The following SLC6A20 variants were observed in gnomAD, a reference collection of about 807,000 sequenced individuals.
SLC6A20 encodes the protein solute carrier family 6 member 20.
Under a neutral mutation model 64.3 loss-of-function variants are expected in SLC6A20, and 73 were observed. The observed-to-expected ratio is 1.14, with a 90% CI of 0.94 to 1.38. The LOEUF is 1.38. SLC6A20 is among the 40% of genes most tolerant of loss of function. The pLI is 0.00. For synonymous variants in SLC6A20, 347 were observed against 329.6 expected (o/e 1.05, Z -0.57); for missense variants, 725 against 772.8 (o/e 0.94, Z 0.73).
intron 3 of SLC6A20, among the ~76,000 whole-genome samples, chr3:45,776,841 C>T (rs751113414): frequency 1.4e-4 from 21 of 152,280 alleles, no homozygotes; most frequent in East Asian, 7.7e-4. Flanking sequence ...CCAAGGCAGG[C>T]GGGGATTGGG....
intron 10 of SLC6A20, 126 bp downstream of exon 10, chr3:45,759,730 AT>A: frequency 8.1e-7 from 1 of 1,232,700 alleles, no homozygotes; most frequent in Non-Finnish European, 1.1e-6. Context: ...CCTCAGTGAT[AT>A]TTCCATGTCG....
chr3:45,770,311 G>T lies in SLC6A20; in HGVS notation c.996C>A (p.Asn332Lys). The change falls in exon 7 of 11, where the codon AAC becomes AAA. Residue 332 changes from asparagine to lysine, a missense_variant. By Grantham distance (94) the Asn-to-Lys change is moderately conservative (BLOSUM62 0). Transcript: ENST00000358525. ...DLEDGFLTAS[N>K]LEQVKGYLAS... ...CGAGGTAGCCCTTCACCTGCTCCAG[G>T]TTGCTGGCTGTCAAAAAGCCATCTT... The T allele has an allele frequency of 6.2e-6, 10 of 1,614,198 alleles. No individual in the cohort carries two copies. Among genetic ancestry groups the T allele is most frequent in the South Asian group, 1.1e-5 (1 of 91,086 alleles).
In SLC6A20 at chr3:45,757,335, C is replaced by G. The variant is rs1246610058; in HGVS notation, c.*1643G>C. 2 of 152,130 alleles carry G rather than the reference C, an allele frequency of 1.3e-5. No homozygotes were observed. The highest frequency in any genetic ancestry group is 6.6e-5 in the Admixed American group (1 of 15,262). The allele number at this position is 152,130 out of a possible 1,614,324, so 9.4% of individuals were successfully genotyped here. A position where few individuals can be genotyped will look rare whatever the true frequency, so the allele number is the denominator to read the frequency against. ...GTGTCGGGCTGGGGGACAGTCAGGT[C>G]TTTCCCTTCCCATGAGGCCATATCT... On this transcript the variant is annotated 3_prime_UTR_variant, in exon 11 of 11. Transcript: ENST00000358525.
chr3:45,781,950 C>T, intron 2 of SLC6A20, 133 bp downstream of exon 2: 1 of 1,242,610 alleles, frequency 8.0e-7, no homozygotes, highest in Non-Finnish European at 1.0e-6. Flanking sequence ...GCCATTTGTT[C>T]ACCCCAGGCA....
At chr3:45,782,329 T>C (rs1700106838) in intron 1 of SLC6A20, 106 bp from the exon 2 acceptor site, 3 of 1,422,030 alleles carry the variant, frequency 2.1e-6, no homozygotes, top group Non-Finnish European at 2.8e-6. Flanking sequence ...TTTCTACTTG[T>C]CCATGCATTC....
rs1197258496 is a variant in SLC6A20, at chr3:45,756,188, T to G, written c.*2790A>C. ...TGAATAAGGTAATGATCTAGGACAT[T>G]TATCTTTTCACTCCTGAGGCTACCT... On this transcript the variant is annotated 3_prime_UTR_variant, in exon 11 of 11. Coordinates refer to ENST00000358525, the MANE Select transcript of SLC6A20 (RefSeq NM_020208.4). The G allele has an allele frequency of 2.6e-5, 4 of 152,180 alleles. No homozygotes were observed. The highest frequency in any genetic ancestry group is 9.7e-5 in the African/African-American group (4 of 41,434). 9.4% of individuals were successfully genotyped at this position (152,180 alleles called of 1,614,324 possible).
chr3:45,775,734 C>A, intron 4 of SLC6A20, 27 bp downstream of exon 4: 1 of 1,599,604 alleles, frequency 6.3e-7, no homozygotes. Flanking sequence ...ACCAGGAGCA[C>A]CGGGCTTCTG....
In SLC6A20 at chr3:45,771,195, C is replaced by T. The variant is rs766296394; in HGVS notation, c.935+22G>A. On this transcript the variant is annotated intron_variant, in intron 6 of 10. Transcript: ENST00000358525. ...TCAGAGCTCAGGGAGGCCTGGGACT[C>T]GGTGGGACAGCCCAGGCTTACTTCT... The T allele has an allele frequency of 4.1e-5, 66 of 1,613,686 alleles. No individual in the cohort carries two copies. In the Admixed American group the frequency reaches 6.5e-4, roughly 16 times the overall value.
intron 1 of SLC6A20, among the ~76,000 whole-genome samples, chr3:45,785,042 C>T (rs912823570): frequency 4.6e-5 from 7 of 152,328 alleles, no homozygotes; most frequent in South Asian, 2.1e-4. Context: ...CTTCTCAACC[C>T]TATTGCATTG....
chr3:45,779,893 C>A, intron 3 of SLC6A20, 116 bp downstream of exon 3: 4 of 1,120,808 alleles, frequency 3.6e-6, no homozygotes, highest in South Asian at 1.5e-5. Flanking sequence ...CACCCACCGG[C>A]TCCCCGCCCC....
At chr3:45,785,935 AC>A (rs547993831) in intron 1 of SLC6A20, among the ~76,000 whole-genome samples, 12 of 152,150 alleles carry the variant, frequency 7.9e-5, no homozygotes, top group Admixed American at 1.3e-4. Flanking sequence ...CAGATACCAG[AC>A]CAGGCTCCAG....
At chr3:45,789,334 A>G (rs1349749558) in intron 1 of SLC6A20, among the ~76,000 whole-genome samples, 4 of 152,236 alleles carry the variant, frequency 2.6e-5, no homozygotes, top group Non-Finnish European at 5.9e-5. Flanking sequence ...ATAATAACTA[A>G]CAAAAAGGAA....
intron 8 of SLC6A20, among the ~76,000 whole-genome samples, chr3:45,764,496 A>G (rs529248236): frequency 7.4e-4 from 113 of 152,320 alleles, no homozygotes; most frequent in African/African-American, 2.5e-3. Context: ...TGAGGTCAGG[A>G]GTTTGAGACC....
chr3:45,761,138 T>C (rs1335242433), intron 9 of SLC6A20, among the ~76,000 whole-genome samples: 1 of 152,166 alleles, frequency 6.6e-6, no homozygotes, highest in Non-Finnish European at 1.5e-5. Flanking sequence ...TGAAGGCTCA[T>C]GTATGTGACA....
At chr3:45,770,857 G>T (rs1699850604) in intron 6 of SLC6A20, among the ~76,000 whole-genome samples, 1 of 152,242 alleles carries the variant, frequency 6.6e-6, no homozygotes, top group South Asian at 2.1e-4. Context: ...CCTCCTGGAT[G>T]ATGTCTTTGT....
At chr3:45,782,483 TCCAA>T (rs1246444184) in intron 1 of SLC6A20, among the ~76,000 whole-genome samples, 3 of 152,190 alleles carry the variant, frequency 2.0e-5, no homozygotes, top group South Asian at 2.1e-4. Flanking sequence ...CATCCTTCCA[TCCAA>T]CCATCCATTC....
At chr3:45,774,972 G>GT (rs1193150413) in intron 4 of SLC6A20, among the ~76,000 whole-genome samples, 1 of 152,184 alleles carries the variant, frequency 6.6e-6, no homozygotes, top group Non-Finnish European at 1.5e-5. Flanking sequence ...TCAAGCCGTG[G>GT]TGGGTCTACT....
At chr3:45,775,148 G>T (rs1050526528) in intron 4 of SLC6A20, among the ~76,000 whole-genome samples, 1 of 152,186 alleles carries the variant, frequency 6.6e-6, no homozygotes, top group African/African-American at 2.4e-5. Context: ...GCCTTGGGAT[G>T]CACCAAGAAA....
At chr3:45,777,642 G>A (rs1212587455) in intron 3 of SLC6A20, among the ~76,000 whole-genome samples, 2 of 152,248 alleles carry the variant, frequency 1.3e-5, no homozygotes, top group Non-Finnish European at 1.5e-5. Context: ...GCGGGTGCAG[G>A]GAGAGGGAGG....
Sources: allele counts gnomAD v4.1 joint callset (sites outside exome capture counted in the v4.1 genomes callset), GRCh38; gene constraint gnomAD v4.1.1; transcripts MANE v1.5; gene names NCBI Gene and HGNC (gene_info 2026-07-23, HGNC 2026-07-21).